PTPN13: variants seen among roughly 807,000 people sequenced by gnomAD.
PTPN13 encodes protein tyrosine phosphatase non-receptor type 13.
PTPN13 carries 191 observed loss-of-function variants against 284.0 expected under a neutral mutation model. The observed-to-expected ratio is 0.67, with a 90% CI of 0.60 to 0.76. The LOEUF is 0.76. PTPN13 is among the 30% of genes least tolerant of loss of function. PTPN13 has a pLI of 0.00. For missense variants in PTPN13, 2,797 were observed against 2,939.9 expected, an observed-to-expected ratio of 0.95 and a Z score of 1.12; for synonymous variants, 986 against 1,022.3, an observed-to-expected ratio of 0.96 and a Z score of 0.68.
intron 42 of PTPN13, among the ~76,000 whole-genome samples, chr4:86,801,704 G>A (rs952890986): frequency 6.6e-6 from 1 of 152,098 alleles, no homozygotes; most frequent in African/African-American, 2.4e-5. Flanking sequence ...TGGTTATTCA[G>A]GTGATCTAGA....
intron 3 of PTPN13, among the ~76,000 whole-genome samples, chr4:86,678,431 G>A (rs1331173528): frequency 6.6e-6 from 1 of 152,164 alleles, no homozygotes; most frequent in Non-Finnish European, 1.5e-5. Context: ...TCTGGATAGA[G>A]GGATCATAGC....
intron 24 of PTPN13, 88 bp from the exon 25 acceptor site, chr4:86,764,505 A>G: frequency 1.0e-6 from 1 of 1,002,578 alleles, no homozygotes. Flanking sequence ...GTCCTGGGCT[A>G]GGTTTAAAAA....
rs200464155 is a variant in PTPN13, at chr4:86,809,692, A to G, written c.7084-77A>G. On this transcript the variant is annotated intron_variant, in intron 45 of 47. Coordinates refer to ENST00000411767, the MANE Select transcript of PTPN13 (RefSeq NM_080683.3). ...GACAACAGAACGAGACCCTATCTCAAGAAAGAAAAAAAAGAATTAACTGTA... is the reference window on the plus strand; with the variant it reads ...GACAACAGAACGAGACCCTATCTCAGGAAAGAAAAAAAAGAATTAACTGTA... 2.0e-4 allele frequency: 273 copies of G among 1,390,162 alleles called. 4 individuals carry two copies. In the East Asian group the frequency reaches 6.3e-3, roughly 32 times the overall value. 86.1% of individuals were successfully genotyped at this position (1,390,162 alleles called of 1,614,324 possible). A position where few individuals can be genotyped will look rare whatever the true frequency, so the allele number is the denominator to read the frequency against.
chr4:86,810,970 C>T (rs1388644517), intron 46 of PTPN13, 76 bp from the exon 47 acceptor site: 8 of 1,400,206 alleles, frequency 5.7e-6, no homozygotes, highest in Admixed American at 5.6e-5. Flanking sequence ...TTACATAAGC[C>T]TCCCCTCTGT....
At chr4:86,796,395 G>A (rs1743345236) in intron 40 of PTPN13, among the ~76,000 whole-genome samples, 1 of 152,140 alleles carries the variant, frequency 6.6e-6, no homozygotes, top group African/African-American at 2.4e-5. Context: ...AACACTTTGG[G>A]AGGCTGAGGC....
rs762724789 is a variant in PTPN13, at chr4:86,815,151, A to G, written c.*600A>G. The G allele has an allele frequency of 2.0e-5, 3 of 152,574 alleles. No individual in the cohort carries two copies. Among genetic ancestry groups the G allele is most frequent in the Non-Finnish European group, 2.9e-5 (2 of 68,046 alleles). The allele number at this position is 152,574 out of a possible 1,614,324, so 9.5% of individuals were successfully genotyped here. ...AATAAAAACACACCTTAAAACATGA[A>G]CAAGCCAAAACTGTGTGCAGACAAA... On this transcript the variant is annotated 3_prime_UTR_variant, in exon 48 of 48. Transcript: ENST00000411767.
intron 1 of PTPN13, among the ~76,000 whole-genome samples, chr4:86,635,034 T>C (rs759902548): frequency 2.0e-5 from 3 of 152,206 alleles, no homozygotes; most frequent in Non-Finnish European, 4.4e-5. Context: ...GTCTCTGAAG[T>C]TGACCGTGTT....
chr4:86,746,889 C>T (rs1736829564), intron 17 of PTPN13, among the ~76,000 whole-genome samples: 1 of 152,170 alleles, frequency 6.6e-6, no homozygotes, highest in Non-Finnish European at 1.5e-5. Flanking sequence ...CTCGGCCTCC[C>T]AACTCAGTAA....
intron 6 of PTPN13, among the ~76,000 whole-genome samples, chr4:86,694,160 A>G (rs533332806): frequency 2.6e-5 from 4 of 151,990 alleles, no homozygotes; most frequent in African/African-American, 4.8e-5. Flanking sequence ...ATCAAATACT[A>G]CCTTAGGTCA....
At chr4:86,733,960 GCTGTAAAGCAAGAATTCCCACTAGC>G (rs1735224051) in intron 12 of PTPN13, among the ~76,000 whole-genome samples, 1 of 152,158 alleles carries the variant, frequency 6.6e-6, no homozygotes, top group Non-Finnish European at 1.5e-5. Flanking sequence ...TTATAACAAT[GCTGTAAAGCAAGAATTCCCACTAGC>G]CTGATCTTAA....
intron 1 of PTPN13, among the ~76,000 whole-genome samples, chr4:86,628,745 A>T (rs1317336230): frequency 1.4e-5 from 2 of 140,070 alleles, no homozygotes; most frequent in Non-Finnish European, 3.0e-5. Context: ...GAGTGAGAAC[A>T]TGCGGTGTTT....
intron 1 of PTPN13, among the ~76,000 whole-genome samples, chr4:86,616,498 A>G (rs746938863): frequency 3.1e-4 from 41 of 132,054 alleles, no homozygotes; most frequent in Admixed American, 8.8e-4. Context: ...GTAATCCCCA[A>G]TGTTAGAGGT....
chr4:86,693,759 A>T lies in PTPN13; in HGVS notation c.634+85A>T, dbSNP rs988886650. Reference sequence around the variant, plus strand: ...AAAATTATACTTACCTGGCTTTGAAATCTGGTAATTGAGACTATGATTAGA... The same window carrying T: ...AAAATTATACTTACCTGGCTTTGAATTCTGGTAATTGAGACTATGATTAGA... On this transcript the variant is annotated intron_variant, in intron 6 of 47. Transcript: ENST00000411767. 5 of 938,228 alleles carry T rather than the reference A, an allele frequency of 5.3e-6. No homozygotes were observed. In the African/African-American group the frequency reaches 8.2e-5, roughly 15 times the overall value. 58.1% of individuals were successfully genotyped at this position (938,228 alleles called of 1,614,324 possible). A position where few individuals can be genotyped will look rare whatever the true frequency, so the allele number is the denominator to read the frequency against.
In PTPN13 at chr4:86,693,604, T is replaced by A; in HGVS notation, c.564T>A (p.Cys188Ter). 6.4e-7 allele frequency: 1 copy of A among 1,552,790 alleles called. No individual in the cohort carries two copies. Among genetic ancestry groups the A allele is most frequent in the Non-Finnish European group, 8.7e-7 (1 of 1,145,334 alleles). ...GTGTACAGACAGATCAGCTTTCCTGTAACAGTGAACAAAAGCCTGATCGAA... is the reference window on the plus strand; with the variant it reads ...GTGTACAGACAGATCAGCTTTCCTGAAACAGTGAACAAAAGCCTGATCGAA... ...GNLSGTDQLS[C>*]NSEQKPDRSQ... The change falls in exon 6 of 48, where the codon TGT (cysteine) becomes TGA (stop). Residue 188 changes from cysteine to a stop codon, truncating the protein, a stop_gained. Transcript: ENST00000411767. LOFTEE classifies it high-confidence loss of function.
rs538979375 is a variant in PTPN13 at position 86,747,132 on chromosome 4, A to G, written c.2650+2004A>G. On this transcript the variant is annotated intron_variant, in intron 17 of 47. Transcript: ENST00000411767. ...TGTATAGTGAACAGAATCAGAAGACAAAAGTTTGAAGTTAGTCTGTCATCC... is the reference window on the plus strand; with the variant it reads ...TGTATAGTGAACAGAATCAGAAGACGAAAGTTTGAAGTTAGTCTGTCATCC... 3.3e-5 allele frequency among the ~76,000 whole-genome samples: 5 copies of G among 152,364 alleles called. No individual in the cohort carries two copies. In the East Asian group the frequency reaches 7.7e-4, roughly 23 times the overall value.
intron 3 of PTPN13, among the ~76,000 whole-genome samples, chr4:86,681,733 G>A (rs1472883504): frequency 1.3e-5 from 2 of 152,122 alleles, no homozygotes; most frequent in Admixed American, 1.3e-4. Flanking sequence ...TTCAAGACCA[G>A]CCTGGCCAAC....
At chr4:86,623,800 C>T (rs1245591449) in intron 1 of PTPN13, among the ~76,000 whole-genome samples, 2 of 152,136 alleles carry the variant, frequency 1.3e-5, no homozygotes, top group Admixed American at 1.3e-4. Context: ...TCAGTGAGGG[C>T]TTCCTTGATT....
chr4:86,639,094 C>T (rs1404796387), intron 2 of PTPN13, among the ~76,000 whole-genome samples: 2 of 152,026 alleles, frequency 1.3e-5, no homozygotes, highest in African/African-American at 2.4e-5. Context: ...CATCACTGGC[C>T]ATCAGAGAAA....
At chr4:86,686,638 G>A in intron 3 of PTPN13, 72 bp from the exon 4 acceptor site, 1 of 983,844 alleles carries the variant, frequency 1.0e-6, no homozygotes, top group Non-Finnish European at 1.5e-6. Context: ...AAAATAATCT[G>A]TTTTTATAGC....
Sources: gnomAD v4.1 joint callset for allele counts (sites outside exome capture counted in the v4.1 genomes callset) on GRCh38, gnomAD v4.1.1 for gene constraint, MANE v1.5 for transcripts, NCBI Gene and HGNC (gene_info 2026-07-23, HGNC 2026-07-21) for gene names.